AKAP9: variants seen among roughly 807,000 people sequenced by gnomAD.
AKAP9 encodes the protein A-kinase anchoring protein 9, also known as A-kinase anchor protein 9.
In AKAP9, 311 loss-of-function variants were observed where a neutral mutation model predicts 488.5. That is an observed-to-expected ratio of 0.64 (90% confidence interval 0.58 to 0.70). The LOEUF is 0.70. Among genes scored for constraint, AKAP9 ranks in the 30% least tolerant of loss-of-function variants. The pLI, the probability that AKAP9 is intolerant of heterozygous loss-of-function variation, is 0.00. For missense variants in AKAP9, 4,215 were observed against 4,374.5 expected (o/e 0.96, Z 1.03); for synonymous variants, 1,462 against 1,483.5 (o/e 0.99, Z 0.33).
At chr7:92,007,816 A>G (rs1800125188) in intron 8 of AKAP9, among the ~76,000 whole-genome samples, 1 of 152,242 alleles carries the variant, frequency 6.6e-6, no homozygotes, top group Admixed American at 6.5e-5. Flanking sequence ...GAAGAAATGC[A>G]CAAGAACAGT....
At chr7:92,036,050 CTA>C (rs1252653553) in intron 16 of AKAP9, among the ~76,000 whole-genome samples, 1 of 149,410 alleles carries the variant, frequency 6.7e-6, no homozygotes, top group Non-Finnish European at 1.5e-5. Context: ...TGGGAGTAAA[CTA>C]TGTTTTTTAG....
At chr7:92,064,694 C>T (rs1233300594) in intron 24 of AKAP9, among the ~76,000 whole-genome samples, 1 of 152,156 alleles carries the variant, frequency 6.6e-6, no homozygotes, top group African/African-American at 2.4e-5. Flanking sequence ...GAATATGGAT[C>T]TAATAAGGAG....
At chr7:92,070,873 C>G (rs566341553) in intron 27 of AKAP9, 32 bp from the exon 28 acceptor site, 2 of 1,152,722 alleles carry the variant, frequency 1.7e-6, no homozygotes, top group African/African-American at 1.6e-5. Context: ...TTTAATTTAT[C>G]AAATTTTGAG....
rs1204666219 is a variant in AKAP9, at chr7:92,099,808, T to C, written c.10835T>C (p.Met3612Thr). 1.2e-6 allele frequency: 2 copies of C among 1,614,058 alleles called. No individual in the cohort carries two copies. The highest frequency in any genetic ancestry group is 1.7e-6 in the Non-Finnish European group (2 of 1,179,960). Residue 3612 changes from methionine (M) to threonine (T), a missense_variant, in exon 44 of 50, where the codon ATG becomes ACG. Coordinates refer to ENST00000356239, the MANE Select transcript of AKAP9 (RefSeq NM_005751.5). ...GAAGAGAAGAATGACTTAAGGAACA[T>C]GGTTATGAAGCTGGAAGAGCAGATC... is the stretch of plus-strand genomic sequence containing the variant. The part of the protein sequence containing the change: ...LTEEKNDLRN[M>T]VMKLEEQIRW...
Position 92,108,622 on chromosome 7 carries a change from C to G in AKAP9, c.11675C>G (p.Thr3892Ser). The change falls in exon 49 of 50, where the codon ACT becomes AGT. Residue 3892 changes from threonine (T) to serine (S), a missense_variant. Physicochemically the swap from Thr to Ser is moderately conservative, Grantham distance 58. Coordinates refer to ENST00000356239, the MANE Select transcript of AKAP9 (RefSeq NM_005751.5). ...GAGGCACTGCAAAGACGACTTGGAA[C>G]TATACAGTCAGGTGCTCTGAGTTTA... ...RLEALQRRLG[T>S]IQSGSTTQFH... 1 of 1,614,188 alleles carries G rather than the reference C, an allele frequency of 6.2e-7. No homozygotes were observed. Among genetic ancestry groups the G allele is most frequent in the Non-Finnish European group, 8.5e-7 (1 of 1,180,046 alleles).
At chr7:92,104,190 AT>A (rs879741854) in intron 46 of AKAP9, among the ~76,000 whole-genome samples, 57 of 142,644 alleles carry the variant, frequency 4.0e-4, no homozygotes, top group Admixed American at 4.8e-4. Context: ...TTATTTATTT[AT>A]TTTTTTTTTT....
At chr7:91,969,832 A>G (rs77106108) in intron 1 of AKAP9, among the ~76,000 whole-genome samples, 64 of 152,176 alleles carry the variant, frequency 4.2e-4, no homozygotes, top group African/African-American at 1.5e-3. Flanking sequence ...TGGGCAGCTT[A>G]TGGTTGGGTC....
At chr7:92,055,726 A>T (rs1199699938) in intron 22 of AKAP9, among the ~76,000 whole-genome samples, 1 of 151,992 alleles carries the variant, frequency 6.6e-6, no homozygotes, top group Non-Finnish European at 1.5e-5. Context: ...TCTAAAATAG[A>T]GGGGGAAGCA....
chr7:92,012,744 G>T, intron 9 of AKAP9, 102 bp downstream of exon 9: 1 of 966,820 alleles, frequency 1.0e-6, no homozygotes. Context: ...ACAGAGGAAG[G>T]TGATTTGTTT....
At chr7:92,102,463 C>T (rs965892538) in intron 45 of AKAP9, 131 bp from the exon 46 acceptor site, 1 of 658,674 alleles carries the variant, frequency 1.5e-6, no homozygotes, top group African/African-American at 1.8e-5. Context: ...ACTACTACTA[C>T]TACTACTACT....
intron 16 of AKAP9, among the ~76,000 whole-genome samples, chr7:92,032,848 G>A (rs566718487): frequency 6.6e-6 from 1 of 152,190 alleles, no homozygotes; most frequent in East Asian, 1.9e-4. Context: ...TTTATCAAAT[G>A]GAATGGTGTA....
rs759537757 is a variant in AKAP9 at position 91,941,182 on chromosome 7, G to A, written c.48+35G>A. The A allele has an allele frequency of 6.2e-6, 10 of 1,605,504 alleles. No individual in the cohort carries two copies. In the Admixed American group the frequency reaches 1.5e-4, roughly 24 times the overall value. On this transcript the variant is annotated intron_variant, in intron 1 of 49. Coordinates refer to ENST00000356239, the MANE Select transcript of AKAP9 (RefSeq NM_005751.5). Reference sequence around the variant, plus strand: ...CCCGAGGCAACCGGGCCTGCGGTGGGAGGCGGTGGCTAGCACGGGGTGGGA... The same window carrying A: ...CCCGAGGCAACCGGGCCTGCGGTGGAAGGCGGTGGCTAGCACGGGGTGGGA...
At chr7:91,975,925 G>T (rs375980360) in intron 2 of AKAP9, among the ~76,000 whole-genome samples, 1,632 of 73,340 alleles carry the variant, frequency 0.022, 62 homozygotes, top group African/African-American at 0.05. Context: ...TTGTTTGTTT[G>T]TTTTTTTTTT....
chr7:92,061,472 A>ATCC, intron 23 of AKAP9, 50 bp downstream of exon 23: 1 of 1,604,014 alleles, frequency 6.2e-7, no homozygotes, highest in Non-Finnish European at 8.5e-7. Flanking sequence ...TCAGTCTTAA[A>ATCC]ATAGAGATTT....
chr7:91,963,195 A>G (rs1015043344), intron 1 of AKAP9, among the ~76,000 whole-genome samples: 1 of 152,274 alleles, frequency 6.6e-6, no homozygotes, highest in Non-Finnish European at 1.5e-5. Flanking sequence ...GCTACCCTCC[A>G]AAGTAGTTTA....
At position 92,036,943 on chromosome 7, in the gene AKAP9, CCAATTTGGTAGGTGAGATATGGTA is replaced by C. The variant is rs1805294167; in HGVS notation, c.4339-1474_4339-1451del. Among the ~76,000 whole-genome samples, 4 of 152,220 alleles carry C rather than the reference CCAATTTGGTAGGTGAGATATGGTA, an allele frequency of 2.6e-5. No individual in the cohort carries two copies. In the South Asian group the frequency reaches 8.3e-4, roughly 32 times the overall value. On this transcript the variant is annotated intron_variant, in intron 16 of 49. Coordinates refer to ENST00000356239, the MANE Select transcript of AKAP9 (RefSeq NM_005751.5). The stretch of plus-strand genomic sequence containing the variant: ...TGAGCTAGCATAGGCACCCAGAGGT[CCAATTTGGTAGGTGAGATATGGTA>C]CCAGGATTATCTGGGAAGAAACAGA...
In AKAP9 at chr7:92,007,921, A is replaced by G. The variant is rs191009316; in HGVS notation, c.3319-4508A>G. Among the ~76,000 whole-genome samples the G allele has an allele frequency of 7.9e-5, 12 of 152,328 alleles. No individual in the cohort carries two copies. The East Asian group carries it at 2.1e-3, about 27-fold the overall frequency. ...ATTGATTTTATAAATATTGAAAACAAGTTAAGCTGTTAGTTCTAGAGGCTA... is the reference window on the plus strand; with the variant it reads ...ATTGATTTTATAAATATTGAAAACAGGTTAAGCTGTTAGTTCTAGAGGCTA... On this transcript the variant is annotated intron_variant, in intron 8 of 49. Transcript: ENST00000356239.
intron 3 of AKAP9, among the ~76,000 whole-genome samples, chr7:91,985,378 GT>G (rs1796940945): frequency 6.6e-6 from 1 of 152,054 alleles, no homozygotes; most frequent in Non-Finnish European, 1.5e-5. Flanking sequence ...TAATCATGTG[GT>G]TTTTGTCTTT....
chr7:91,954,730 C>T lies in AKAP9; in HGVS notation c.48+13583C>T, dbSNP rs1339159261. On this transcript the variant is annotated intron_variant, in intron 1 of 49. Transcript: ENST00000356239. ...TACAAATTTTTTGATGCCTACATTA[C>T]ATCCCATACCAAAATCAGAAAATCT... Among the ~76,000 whole-genome samples the T allele has an allele frequency of 2.0e-5, 3 of 152,180 alleles. No homozygotes were observed. The East Asian group carries it at 5.8e-4, about 29-fold the overall frequency.
Sources: gnomAD v4.1 joint callset for allele counts (sites outside exome capture counted in the v4.1 genomes callset) on GRCh38, gnomAD v4.1.1 for gene constraint, MANE v1.5 for transcripts, NCBI Gene and HGNC (gene_info 2026-07-23, HGNC 2026-07-21) for gene names.